Variants in FGF14 observed in about 807,000 individuals in gnomAD.
The protein encoded by FGF14 is fibroblast growth factor 14.
FGF14 carries 5 observed loss-of-function variants against 25.5 expected under a neutral mutation model. That is an observed-to-expected ratio of 0.20 (90% CI 0.10 to 0.41). FGF14 has a LOEUF of 0.41. Ranked by LOEUF, FGF14 falls within the 10% of genes least tolerant of loss-of-function variation. The probability of loss-of-function intolerance (pLI) is 1.00; values close to 1 mark genes in which losing one functional copy is unlikely to be tolerated. For missense variants in FGF14, 222 were observed against 320.1 expected, an observed-to-expected ratio of 0.69 and a Z score of 2.34; for synonymous variants, 138 against 118.3, an observed-to-expected ratio of 1.17 and a Z score of -1.08.
rs1317481834 is a variant in FGF14 at position 102,163,310 on chromosome 13, C to G, written c.208+238161G>C. ...CACAGAGGTATTAGAAACCACATGC[C>G]ATGCCTTGTGTAATATGGTCTACCG... On this transcript the variant is annotated intron_variant, in intron 1 of 4. Coordinates refer to the FGF14 transcript ENST00000376131. Among the ~76,000 whole-genome samples, 3 of 152,042 alleles carry G rather than the reference C, an allele frequency of 2.0e-5. No homozygotes were observed. The East Asian group carries it at 5.8e-4, about 29-fold the overall frequency.
At chr13:102,253,114 G>C (rs2052269370) in intron 1 of FGF14, among the ~76,000 whole-genome samples, 1 of 152,174 alleles carries the variant, frequency 6.6e-6, no homozygotes, top group South Asian at 2.1e-4. Context: ...ATTGTGAACA[G>C]TGCCACAATA....
intron 1 of FGF14, among the ~76,000 whole-genome samples, chr13:102,253,404 A>C (rs1222408468): frequency 6.6e-6 from 1 of 152,140 alleles, no homozygotes; most frequent in East Asian, 1.9e-4. Flanking sequence ...TTTGATTTGC[A>C]TTTCTCTAAT....
chr13:102,255,390 A>G (rs886914866), intron 1 of FGF14, among the ~76,000 whole-genome samples: 3 of 152,154 alleles, frequency 2.0e-5, no homozygotes, highest in African/African-American at 7.2e-5. Context: ...AATAACATCC[A>G]TTTGCCTTTG....
chr13:101,787,368 C>A (rs1380796002), intron 3 of FGF14, among the ~76,000 whole-genome samples: 1 of 152,174 alleles, frequency 6.6e-6, no homozygotes, highest in East Asian at 1.9e-4. Context: ...AATGGATGAA[C>A]CGCTGTTTTA....
intron 1 of FGF14, among the ~76,000 whole-genome samples, chr13:102,196,674 A>T (rs2049367141): frequency 6.6e-6 from 1 of 152,200 alleles, no homozygotes; most frequent in African/African-American, 2.4e-5. Flanking sequence ...CTCACATATA[A>T]TTTTTTGTGG....
intron 1 of FGF14, among the ~76,000 whole-genome samples, chr13:102,225,950 T>C (rs2050808350): frequency 6.6e-6 from 1 of 152,200 alleles, no homozygotes; most frequent in African/African-American, 2.4e-5. Context: ...TATTCATTGT[T>C]TCAATTTGTG....
At chr13:101,875,068 A>G in intron 2 of FGF14, 118 bp downstream of exon 2, 4 of 749,590 alleles carry the variant, frequency 5.3e-6, no homozygotes, top group Non-Finnish European at 9.7e-6. Context: ...CTAGTGTGTA[A>G]CATTTGTAAA....
At chr13:102,069,391 G>T (rs1271495289) in intron 1 of FGF14, among the ~76,000 whole-genome samples, 2 of 152,182 alleles carry the variant, frequency 1.3e-5, no homozygotes, top group African/African-American at 4.8e-5. Flanking sequence ...CCAGATAAGA[G>T]AATAAAAGGA....
intron 1 of FGF14, among the ~76,000 whole-genome samples, chr13:102,344,770 G>A (rs759225491): frequency 1.3e-5 from 2 of 152,234 alleles, no homozygotes; most frequent in Non-Finnish European, 2.9e-5. Context: ...AAGACTTAGA[G>A]TTTGACACAG....
chr13:102,040,228 A>G (rs1485346477), intron 1 of FGF14, among the ~76,000 whole-genome samples: 1 of 152,002 alleles, frequency 6.6e-6, no homozygotes, highest in Admixed American at 6.6e-5. Context: ...TGTACTGTTG[A>G]GCTTTTTATA....
upstream of FGF14, among the ~76,000 whole-genome samples, chr13:101,918,428 G>C (rs915421819): frequency 1.3e-5 from 2 of 152,218 alleles, no homozygotes; most frequent in Non-Finnish European, 2.9e-5. Flanking sequence ...AAGCAAGGGG[G>C]AGAGATGGCT....
chr13:102,307,095 G>A (rs904827968), intron 1 of FGF14, among the ~76,000 whole-genome samples: 6 of 152,086 alleles, frequency 3.9e-5, no homozygotes, highest in Non-Finnish European at 7.4e-5. Context: ...AGATGGCAGC[G>A]TGACATGAAT....
chr13:101,979,630 G>A (rs1385462129), intron 1 of FGF14, among the ~76,000 whole-genome samples: 3 of 152,070 alleles, frequency 2.0e-5, no homozygotes, highest in African/African-American at 7.3e-5. Context: ...GATGGTAAAG[G>A]ACTGAAGTTG....
At chr13:101,976,942 A>T (rs1393258444) in intron 1 of FGF14, among the ~76,000 whole-genome samples, 1 of 152,204 alleles carries the variant, frequency 6.6e-6, no homozygotes, top group Non-Finnish European at 1.5e-5. Flanking sequence ...GTAGTGCCTC[A>T]GTGCATAGCT....
At chr13:101,839,250 A>G (rs1190985766) in intron 3 of FGF14, among the ~76,000 whole-genome samples, 2 of 152,070 alleles carry the variant, frequency 1.3e-5, no homozygotes, top group Non-Finnish European at 2.9e-5. Context: ...TTGAATGCAA[A>G]GTTAGGGTCT....
chr13:101,726,482 T>C, intron 4 of FGF14, 130 bp downstream of exon 4: 1 of 852,064 alleles, frequency 1.2e-6, no homozygotes, highest in Non-Finnish European at 1.9e-6. Context: ...TGTGCAACCA[T>C]CACCTAGATC....
At chr13:102,297,905 G>A (rs1235291867) in intron 1 of FGF14, among the ~76,000 whole-genome samples, 4 of 151,998 alleles carry the variant, frequency 2.6e-5, no homozygotes, top group South Asian at 2.1e-4. Context: ...GATGGTGCCC[G>A]TGGAAAGCTG....
chr13:101,886,008 G>T (rs1594608182), intron 1 of FGF14, among the ~76,000 whole-genome samples: 1 of 152,070 alleles, frequency 6.6e-6, no homozygotes, highest in Non-Finnish European at 1.5e-5. Context: ...ACATGTTTGT[G>T]AAAACCAAAC....
At chr13:101,954,471 T>G (rs1166996109) in intron 1 of FGF14, among the ~76,000 whole-genome samples, 1 of 152,236 alleles carries the variant, frequency 6.6e-6, no homozygotes, top group Non-Finnish European at 1.5e-5. Context: ...AAGGCCATGT[T>G]AGGATTTACT....
Sources: allele counts gnomAD v4.1 joint callset (sites outside exome capture counted in the v4.1 genomes callset), GRCh38; gene constraint gnomAD v4.1.1; transcripts MANE v1.5; gene names NCBI Gene and HGNC (gene_info 2026-07-23, HGNC 2026-07-21).